Variants in HS3ST4 observed in about 807,000 individuals in gnomAD.
HS3ST4 encodes heparan sulfate-glucosamine 3-sulfotransferase 4.
Under a neutral mutation model 29.2 loss-of-function variants are expected in HS3ST4, and 17 were observed. The ratio of observed to expected loss-of-function variants is 0.58; its 90% confidence interval spans 0.40 to 0.87. The LOEUF (loss-of-function observed/expected upper bound fraction) is 0.87. Ranked by LOEUF, HS3ST4 falls within the 40% of genes least tolerant of loss-of-function variation. The pLI is 0.00. For missense variants in HS3ST4, 627 were observed against 634.5 expected (o/e 0.99, Z 0.13); for synonymous variants, 314 against 285.7 (o/e 1.10, Z -1.00).
chr16:25,743,312 A>G (rs1479365551), intron 1 of HS3ST4, among the ~76,000 whole-genome samples: 2 of 152,244 alleles, frequency 1.3e-5, no homozygotes, highest in Non-Finnish European at 2.9e-5. Flanking sequence ...GGATAATAAT[A>G]GTACTTACTT....
chr16:25,768,843 T>G (rs1204622656), intron 1 of HS3ST4, among the ~76,000 whole-genome samples: 1 of 152,156 alleles, frequency 6.6e-6, no homozygotes, highest in Non-Finnish European at 1.5e-5. Context: ...GATTTCTGGC[T>G]TCTTTAAAAG....
Position 25,992,056 on chromosome 16 carries a change from G to T in HS3ST4, c.735-143556G>T, listed in dbSNP as rs536711568. 9.9e-4 allele frequency among the ~76,000 whole-genome samples: 151 copies of T among 152,204 alleles called. 2 individuals carry two copies. The highest frequency in any genetic ancestry group is 3.0e-3 in the African/African-American group (126 of 41,548). On this transcript the variant is annotated intron_variant, in intron 1 of 1. Transcript: ENST00000331351. ...AAACAAACAAACAAAACAAAAAGAA[G>T]AAAATGGCAAGGTTTGTAAAGTATC...
chr16:26,029,193 A>T (rs373215029), intron 1 of HS3ST4, among the ~76,000 whole-genome samples: 4 of 152,266 alleles, frequency 2.6e-5, no homozygotes, highest in East Asian at 1.9e-4. Flanking sequence ...CAGTTTCCAG[A>T]ATGGTCACTA....
intron 1 of HS3ST4, among the ~76,000 whole-genome samples, chr16:25,703,723 T>C (rs1023636685): frequency 6.6e-6 from 1 of 152,250 alleles, no homozygotes; most frequent in African/African-American, 2.4e-5. Flanking sequence ...GTTCAGGGAC[T>C]ATGCCAAGCT....
intron 1 of HS3ST4, among the ~76,000 whole-genome samples, chr16:25,822,547 A>G (rs773231806): frequency 4.6e-5 from 7 of 152,148 alleles, no homozygotes; most frequent in Non-Finnish European, 8.8e-5. Context: ...AGTTGTGACA[A>G]CCAGAAATGT....
intron 1 of HS3ST4, among the ~76,000 whole-genome samples, chr16:25,881,587 C>T (rs1967896939): frequency 6.6e-6 from 1 of 152,158 alleles, no homozygotes; most frequent in Non-Finnish European, 1.5e-5. Context: ...ATGACAGCTG[C>T]TTCTTGGTGT....
Position 25,807,104 on chromosome 16 carries a change from C to G in HS3ST4, c.734+113953C>G, listed in dbSNP as rs552434327. Among the ~76,000 whole-genome samples, 291 of 152,258 alleles carry G rather than the reference C, an allele frequency of 1.9e-3. 1 individual carries two copies. The highest frequency in any genetic ancestry group is 6.8e-3 in the African/African-American group (283 of 41,554). On this transcript the variant is annotated intron_variant, in intron 1 of 1. Transcript: ENST00000331351. ...TCTCCTGCCCCAGCCTCCTGAGTAG[C>G]TGGGATTACAGGCGCCTGCTACCAT...
intron 1 of HS3ST4, among the ~76,000 whole-genome samples, chr16:25,709,063 G>A (rs978636317): frequency 1.3e-5 from 2 of 151,404 alleles, no homozygotes; most frequent in Admixed American, 1.3e-4. Context: ...ATGTATCTGA[G>A]AAGTCCCAGG....
intron 1 of HS3ST4, among the ~76,000 whole-genome samples, chr16:25,837,351 G>A (rs574988906): frequency 5.3e-5 from 8 of 152,122 alleles, no homozygotes; most frequent in Non-Finnish European, 1.2e-4. Flanking sequence ...CAGACTCAGG[G>A]GGAAGTGTTT....
Position 25,712,400 on chromosome 16 carries a change from A to T in HS3ST4, c.734+19249A>T, listed in dbSNP as rs535028955. Among the ~76,000 whole-genome samples, 14 of 152,254 alleles carry T rather than the reference A, an allele frequency of 9.2e-5. No individual in the cohort carries two copies. In the South Asian group the frequency reaches 2.5e-3, roughly 27 times the overall value. On this transcript the variant is annotated intron_variant, in intron 1 of 1. Coordinates refer to ENST00000331351, the MANE Select transcript of HS3ST4 (RefSeq NM_006040.3). ...AGCCTGCGTGGTGGTGCATGCCTTT[A>T]GTCCCAGTTACTCGGGAGGCTGAGG...
In HS3ST4 at chr16:25,744,517, G is replaced by C. The variant is rs562075912; in HGVS notation, c.734+51366G>C. On this transcript the variant is annotated intron_variant, in intron 1 of 1. Coordinates refer to ENST00000331351, the MANE Select transcript of HS3ST4 (RefSeq NM_006040.3). The stretch of plus-strand genomic sequence containing the variant: ...CTCTTAGATATATAAAAAAAGTCCA[G>C]AATTAGGCATGGTGTAACATGGTCT... Among the ~76,000 whole-genome samples, 7 of 152,138 alleles carry C rather than the reference G, an allele frequency of 4.6e-5. No homozygotes were observed. The South Asian group carries it at 1.0e-3, about 23-fold the overall frequency.
At chr16:26,110,580 A>T (rs565291937) in intron 1 of HS3ST4, among the ~76,000 whole-genome samples, 1 of 152,194 alleles carries the variant, frequency 6.6e-6, no homozygotes, top group African/African-American at 2.4e-5. Context: ...CTTCCAAATA[A>T]TGTCAAGAAT....
intron 1 of HS3ST4, among the ~76,000 whole-genome samples, chr16:25,744,125 T>C (rs1966671337): frequency 6.6e-6 from 1 of 152,232 alleles, no homozygotes. Flanking sequence ...CTAGAAAATC[T>C]GTCTTCTCTG....
chr16:25,998,281 G>GA (rs1389826534), intron 1 of HS3ST4, among the ~76,000 whole-genome samples: 1 of 151,784 alleles, frequency 6.6e-6, no homozygotes, highest in African/African-American at 2.4e-5. Context: ...ACCCTGTCTC[G>GA]AAAAAAATAT....
chr16:25,791,525 G>A (rs1162845495), intron 1 of HS3ST4, among the ~76,000 whole-genome samples: 1 of 152,004 alleles, frequency 6.6e-6, no homozygotes, highest in African/African-American at 2.4e-5. Flanking sequence ...TTACTTAATT[G>A]ATCTTTTAGT....
At chr16:26,099,253 C>T (rs113447724) in intron 1 of HS3ST4, among the ~76,000 whole-genome samples, 8 of 152,280 alleles carry the variant, frequency 5.3e-5, no homozygotes, top group African/African-American at 1.9e-4. Flanking sequence ...GTCCTGGGCT[C>T]AAGTGATCCT....
intron 1 of HS3ST4, among the ~76,000 whole-genome samples, chr16:25,916,819 A>G (rs558698553): frequency 1.9e-3 from 295 of 151,472 alleles, no homozygotes; most frequent in African/African-American, 7.0e-3. Context: ...AGCTGGGACT[A>G]CAGGCGCCTG....
At chr16:26,135,187 T>A (rs1051106265) in intron 1 of HS3ST4, among the ~76,000 whole-genome samples, 1 of 152,212 alleles carries the variant, frequency 6.6e-6, no homozygotes, top group Non-Finnish European at 1.5e-5. Context: ...TTTCTTTAAT[T>A]TATTGAACTC....
At chr16:25,856,258 C>T (rs538306641) in intron 1 of HS3ST4, among the ~76,000 whole-genome samples, 174 of 152,130 alleles carry the variant, frequency 1.1e-3, no homozygotes, top group Non-Finnish European at 1.9e-3. Flanking sequence ...TGAGATTACT[C>T]CAGGCAGGGG....
Sources: allele counts gnomAD v4.1 joint callset (sites outside exome capture counted in the v4.1 genomes callset), GRCh38; gene constraint gnomAD v4.1.1; transcripts MANE v1.5; gene names NCBI Gene and HGNC (gene_info 2026-07-23, HGNC 2026-07-21).